TNIP1: variants seen among roughly 807,000 people sequenced by gnomAD.
TNIP1 encodes TNFAIP3-interacting protein 1.
In TNIP1, 22 loss-of-function variants were observed where a neutral mutation model predicts 86.6. That is an observed-to-expected ratio of 0.25 (90% CI 0.18 to 0.36). TNIP1 has a LOEUF of 0.36. Ranked by LOEUF, TNIP1 falls within the 10% of genes least tolerant of loss-of-function variation. The pLI, the probability that TNIP1 is intolerant of heterozygous loss-of-function variation, is 1.00. For missense variants in TNIP1, 709 were observed against 820.6 expected, an observed-to-expected ratio of 0.86 and a Z score of 1.66; for synonymous variants, 294 against 313.0, an observed-to-expected ratio of 0.94 and a Z score of 0.64.
chr5:151,047,468 TCC>T (rs1347495666), intron 8 of TNIP1, among the ~76,000 whole-genome samples: 3 of 152,196 alleles, frequency 2.0e-5, no homozygotes, highest in South Asian at 2.1e-4. Flanking sequence ...CAATGTGGGA[TCC>T]CAGACTCCAT....
rs952113853 is a variant in TNIP1 at position 151,059,820 on chromosome 5, A to T, written c.435+498T>A. Reference sequence around the variant, plus strand: ...GAGAGAGAGAGAGAGAGAGAGAGAGAGAGAGAGAGTGTGTGTGTGTGTGTG... The same window carrying T: ...GAGAGAGAGAGAGAGAGAGAGAGAGTGAGAGAGAGTGTGTGTGTGTGTGTG... On this transcript the variant is annotated intron_variant, in intron 5 of 17. Transcript: ENST00000521591. 1.8e-3 allele frequency among the ~76,000 whole-genome samples: 171 copies of T among 93,776 alleles called. 2 individuals are homozygous for T. Among genetic ancestry groups the T allele is most frequent in the African/African-American group, 8.8e-3 (162 of 18,308 alleles). The allele number at this position is 93,776 out of a possible 152,430, so 61.5% of individuals were successfully genotyped here.
chr5:151,075,096 TA>T (rs1331820591), intron 1 of TNIP1, among the ~76,000 whole-genome samples: 4 of 151,020 alleles, frequency 2.6e-5, no homozygotes, highest in Non-Finnish European at 3.0e-5. Flanking sequence ...TTTTTAAACA[TA>T]AAAAAATACT....
Position 151,033,654 on chromosome 5 carries a change from G to T in TNIP1, c.1733C>A (p.Ala578Asp), listed in dbSNP as rs777580735. Residue 578 changes from alanine to aspartate, a missense_variant, in exon 16 of 18, where the codon GCC becomes GAC. Transcript: ENST00000521591. ...GGGGAGTGGGGGCGGGTGCTCCATG[G>T]CCATGGGGGGAGGGGGGTAGCGGAT... ...SQIRYPPPPM[A>D]MEHPPPLPNS... 1.7e-6 allele frequency: 2 copies of T among 1,151,122 alleles called. No individual in the cohort carries two copies. The highest frequency in any genetic ancestry group is 5.4e-5 in the South Asian group (2 of 37,126). 71.3% of individuals were successfully genotyped at this position (1,151,122 alleles called of 1,614,324 possible).
At chr5:151,039,071 C>T (rs774936068) in intron 12 of TNIP1, 26 bp downstream of exon 12, 2 of 1,604,902 alleles carry the variant, frequency 1.2e-6, no homozygotes, top group African/African-American at 2.7e-5. Context: ...GGAGCCCAGC[C>T]AAGGGACCCG....
chr5:151,080,559 T>C (rs1417963023), intron 1 of TNIP1, among the ~76,000 whole-genome samples: 1 of 152,214 alleles, frequency 6.6e-6, no homozygotes, highest in African/African-American at 2.4e-5. Flanking sequence ...GCAACTCGTC[T>C]CCACAGGATA....
At chr5:151,083,176 C>G (rs1437189924), upstream of TNIP1, among the ~76,000 whole-genome samples, 1 of 152,238 alleles carries the variant, frequency 6.6e-6, no homozygotes, top group Non-Finnish European at 1.5e-5. Flanking sequence ...TGCTCAGCCA[C>G]TTACTACCTG....
intron 5 of TNIP1, among the ~76,000 whole-genome samples, chr5:151,057,710 C>T (rs1760854184): frequency 6.6e-6 from 1 of 152,182 alleles, no homozygotes; most frequent in Non-Finnish European, 1.5e-5. Context: ...GAGCAAGATT[C>T]CGTCCCAAAA....
chr5:151,079,746 C>T (rs1369945807), intron 1 of TNIP1, among the ~76,000 whole-genome samples: 2 of 152,182 alleles, frequency 1.3e-5, no homozygotes, highest in South Asian at 4.1e-4. Flanking sequence ...GAGACCACCA[C>T]GGGGATGCTG....
chr5:151,076,337 G>A (rs773470368), intron 1 of TNIP1, among the ~76,000 whole-genome samples: 6 of 152,208 alleles, frequency 3.9e-5, no homozygotes, highest in Non-Finnish European at 8.8e-5. Flanking sequence ...AGGCACTGCA[G>A]GCATGTGGGG....
chr5:151,086,498 T>C lies in TNIP1; in HGVS notation c.-37+587A>G, dbSNP rs149889660. 7.1e-3 allele frequency among the ~76,000 whole-genome samples: 1,086 copies of C among 152,290 alleles called. 5 individuals carry two copies. The highest frequency in any genetic ancestry group is 0.017 in the Middle Eastern group (5 of 294). ...TATGTTCCCCTGGAGGCAGCGCCGA[T>C]TCTTGGCCTCTTCCTATCTAGCTGT... On this transcript the variant is annotated intron_variant, in intron 1 of 17. Transcript: ENST00000315050.
chr5:151,037,373 G>A (rs1757843821), intron 12 of TNIP1: 1 of 152,828 alleles, frequency 6.5e-6, no homozygotes. Context: ...TCCTCCGGGG[G>A]AAGCTTCAGT....
chr5:151,042,615 C>G lies in TNIP1; in HGVS notation c.1059G>C (p.Glu353Asp). Reference protein sequence around the residue: ...ADLQKQVTDLEAEREQKQRDF... With the variant: ...ADLQKQVTDLDAEREQKQRDF... ...CACGCTGCTTCTGCTCCCGCTCGGC[C>G]TCCAGGTCAGTCACCTGCTTCTGCA... Residue 353 changes from glutamate (E) to aspartate (D), a missense_variant, in exon 11 of 18, where the codon GAG becomes GAC. Coordinates refer to ENST00000521591, the MANE Select transcript of TNIP1 (RefSeq NM_006058.5). 1.2e-6 allele frequency: 2 copies of G among 1,614,044 alleles called. No individual in the cohort carries two copies. The highest frequency in any genetic ancestry group is 2.7e-5 in the African/African-American group (2 of 75,064).
At chr5:151,055,142 G>T (rs1247672173) in intron 6 of TNIP1, among the ~76,000 whole-genome samples, 1 of 152,158 alleles carries the variant, frequency 6.6e-6, no homozygotes, top group Non-Finnish European at 1.5e-5. Context: ...AAGTGTGTAT[G>T]AAGTGCCACG....
In TNIP1 at chr5:151,060,346, G is replaced by A; in HGVS notation, c.407C>T (p.Pro136Leu). ...CGCATTGGCATGGCTGCTGCTCTCT[G>A]GTGAATTCTGCTCCTCAGGAGTGAC... Reference protein sequence around the residue: ...EVVTPEEQNSPESSSHANAMA... With the variant: ...EVVTPEEQNSLESSSHANAMA... The change falls in exon 5 of 18, where the codon CCA (proline) becomes CTA (leucine). Residue 136 changes from proline to leucine, a missense_variant. By Grantham distance (98) the Pro-to-Leu change is moderately conservative. Coordinates refer to ENST00000521591, the MANE Select transcript of TNIP1 (RefSeq NM_006058.5). The A allele has an allele frequency of 6.2e-7, 1 of 1,614,074 alleles. No individual in the cohort carries two copies. The highest frequency in any genetic ancestry group is 8.5e-7 in the Non-Finnish European group (1 of 1,179,960).
intron 6 of TNIP1, among the ~76,000 whole-genome samples, chr5:151,055,237 G>A (rs78483947): frequency 0.014 from 2,121 of 152,188 alleles, 51 homozygotes; most frequent in African/African-American, 0.048. Flanking sequence ...AGAAAAAAAA[G>A]AGTATAAGAA....
intron 15 of TNIP1, 51 bp downstream of exon 15, chr5:151,034,951 T>C (rs1222332710): frequency 1.2e-6 from 2 of 1,605,090 alleles, no homozygotes; most frequent in East Asian, 4.5e-5. Flanking sequence ...GCTAGCTCCA[T>C]GAGGAAGGTA....
At position 151,075,148 on chromosome 5, in the gene TNIP1, A is replaced by G. The variant is rs540787464; in HGVS notation, c.-37+5732T>C. On this transcript the variant is annotated intron_variant, in intron 1 of 17. Coordinates refer to ENST00000521591, the MANE Select transcript of TNIP1 (RefSeq NM_006058.5). The stretch of plus-strand genomic sequence containing the variant: ...ATGCACACATTAAAAAAAAAACTTT[A>G]AAGAAATGCAAGAAAAAAACCCCAC... 1.1e-4 allele frequency among the ~76,000 whole-genome samples: 17 copies of G among 152,254 alleles called. 1 individual carries two copies. Among genetic ancestry groups the G allele is most frequent in the African/African-American group, 3.9e-4 (16 of 41,536 alleles).
At position 151,033,668 on chromosome 5, in the gene TNIP1, G is replaced by T. The variant is rs563081133; in HGVS notation, c.1719C>A (p.Pro573=). 94 of 1,349,242 alleles carry T rather than the reference G, an allele frequency of 7.0e-5. No individual in the cohort carries two copies. The highest frequency in any genetic ancestry group is 8.4e-5 in the Non-Finnish European group (87 of 1,039,170). The allele number at this position is 1,349,242 out of a possible 1,614,324, so 83.6% of individuals were successfully genotyped here. The change falls in exon 16 of 18, where the codon CCC becomes CCA. Residue 573 remains proline, a synonymous_variant. Coordinates refer to ENST00000521591, the MANE Select transcript of TNIP1 (RefSeq NM_006058.5). ...GFEDWSQIRY[P]PPPMAMEHPP... is the part of the protein sequence containing the mutation. Reference sequence around the variant, plus strand: ...GGTGCTCCATGGCCATGGGGGGAGGGGGGTAGCGGATCTGGGACCAGTCCT... The same window carrying T: ...GGTGCTCCATGGCCATGGGGGGAGGTGGGTAGCGGATCTGGGACCAGTCCT...
At chr5:151,035,208 G>T in intron 14 of TNIP1, 141 bp from the exon 15 acceptor site, 1 of 955,060 alleles carries the variant, frequency 1.0e-6, no homozygotes, top group African/African-American at 1.6e-5. Flanking sequence ...CCCCGGGAAA[G>T]GGCCCTGAGG....
Sources: allele counts gnomAD v4.1 joint callset (sites outside exome capture counted in the v4.1 genomes callset), GRCh38; gene constraint gnomAD v4.1.1; transcripts MANE v1.5; gene names NCBI Gene and HGNC (gene_info 2026-07-23, HGNC 2026-07-21).